GFOD2: variants seen among roughly 807,000 people sequenced by gnomAD.
GFOD2 encodes the protein glucose-fructose oxidoreductase domain-containing protein 2.
In GFOD2, 9 loss-of-function variants were observed where a neutral mutation model predicts 24.6. The observed-to-expected ratio is 0.37, with a 90% CI of 0.22 to 0.64. The LOEUF (loss-of-function observed/expected upper bound fraction) is 0.64, where lower values mean the gene tolerates loss of function less well. Ranked by LOEUF, GFOD2 falls within the 30% of genes least tolerant of loss-of-function variation. The pLI, the probability that GFOD2 is intolerant of heterozygous loss-of-function variation, is 0.65. For synonymous variants in GFOD2, 211 were observed against 224.8 expected, an observed-to-expected ratio of 0.94 and a Z score of 0.55; for missense variants, 476 against 532.5, an observed-to-expected ratio of 0.89 and a Z score of 1.04.
At chr16:67,693,681 C>T (rs892710120) in intron 1 of GFOD2, among the ~76,000 whole-genome samples, 3 of 152,168 alleles carry the variant, frequency 2.0e-5, no homozygotes, top group African/African-American at 7.2e-5. Context: ...GCAACCATCA[C>T]CAACATCCAC....
At position 67,685,024 on chromosome 16, in the gene GFOD2, C is replaced by T. The variant is rs998561257; in HGVS notation, c.259+433G>A. On this transcript the variant is annotated intron_variant, in intron 2 of 2. Transcript: ENST00000268797. ...AGGAAGGGTGTGTGCTCACTATAGTCAAACGCTGACAAAACATGGGAAATG... is the reference window on the plus strand; with the variant it reads ...AGGAAGGGTGTGTGCTCACTATAGTTAAACGCTGACAAAACATGGGAAATG... 4 of 1,088,850 alleles carry T rather than the reference C, an allele frequency of 3.7e-6. No individual in the cohort carries two copies. In the African/African-American group the frequency reaches 6.4e-5, roughly 18 times the overall value. 67.4% of individuals were successfully genotyped at this position (1,088,850 alleles called of 1,614,324 possible).
In GFOD2 at chr16:67,691,205, C is replaced by T. The variant is rs2053310145; in HGVS notation, c.-87-5403G>A. ...AAAGCTAACTACTCCTGATCTTGGT[C>T]ACTATCATAATTTTTATTTTGAGAC... is the stretch of plus-strand genomic sequence containing the variant. On this transcript the variant is annotated intron_variant, in intron 1 of 2. Coordinates refer to ENST00000268797, the MANE Select transcript of GFOD2 (RefSeq NM_030819.4). Among the ~76,000 whole-genome samples the T allele has an allele frequency of 2.0e-5, 3 of 151,344 alleles. No homozygotes were observed. The South Asian group carries it at 6.3e-4, about 32-fold the overall frequency.
At chr16:67,683,823 C>T (rs1019917943) in intron 2 of GFOD2, 19 of 1,220,058 alleles carry the variant, frequency 1.6e-5, no homozygotes, top group East Asian at 9.7e-5. Flanking sequence ...ACCGGTTCCT[C>T]GACCTAGAGA....
chr16:67,697,916 C>T (rs1045049342), intron 1 of GFOD2, among the ~76,000 whole-genome samples: 2 of 152,144 alleles, frequency 1.3e-5, no homozygotes, highest in Non-Finnish European at 2.9e-5. Flanking sequence ...GAACTGGTGG[C>T]GTAAAGTGTT....
Position 67,685,460 on chromosome 16 carries a change from G to C in GFOD2, c.256C>G (p.Leu86Val). The change falls in exon 2 of 3, where the codon CTA becomes GTA. Residue 86 changes from leucine to valine, a missense_variant. By Grantham distance (32) the Leu-to-Val change is conservative. Coordinates refer to ENST00000268797, the MANE Select transcript of GFOD2 (RefSeq NM_030819.4). ...TGCTGTGGCCTGCCGGGCGTACCTAGAGCCTTCACGGATATCTGCCGGGTG... is the reference window on the plus strand; with the variant it reads ...TGCTGTGGCCTGCCGGGCGTACCTACAGCCTTCACGGATATCTGCCGGGTG... ...PLTRQISVKA[L>V]GIGKNVVCEK... 6.2e-7 allele frequency: 1 copy of C among 1,614,152 alleles called. No homozygotes were observed.
intron 1 of GFOD2, among the ~76,000 whole-genome samples, chr16:67,714,295 A>G (rs1377962827): frequency 6.7e-6 from 1 of 150,234 alleles, no homozygotes; most frequent in Non-Finnish European, 1.5e-5. Flanking sequence ...CCTGGCCAAC[A>G]TGACGAAACC....
intron 1 of GFOD2, among the ~76,000 whole-genome samples, chr16:67,698,764 C>T (rs2053377138): frequency 6.6e-6 from 1 of 152,178 alleles, no homozygotes; most frequent in South Asian, 2.1e-4. Flanking sequence ...CAGGCGTGAG[C>T]CACTGTGCCC....
intron 2 of GFOD2, chr16:67,682,608 A>G: frequency 1.0e-6 from 1 of 985,466 alleles, no homozygotes; most frequent in Non-Finnish European, 1.2e-6. Flanking sequence ...CAAAGCAGAA[A>G]ACAAGATGCC....
intron 1 of GFOD2, among the ~76,000 whole-genome samples, chr16:67,699,838 G>A (rs1035783782): frequency 6.6e-6 from 1 of 151,912 alleles, no homozygotes; most frequent in African/African-American, 2.4e-5. Flanking sequence ...AGGTGCAGTG[G>A]CTCACCTGTA....
At chr16:67,683,304 T>C (rs1358978421) in intron 2 of GFOD2, 1 of 1,200,528 alleles carries the variant, frequency 8.3e-7, no homozygotes, top group Admixed American at 4.4e-5. Flanking sequence ...AGCTTGGAAA[T>C]GGTCTCTGTG....
chr16:67,715,380 G>A lies in GFOD2; in HGVS notation c.-88+3783C>T, dbSNP rs564903187. Among the ~76,000 whole-genome samples, 4 of 152,264 alleles carry A rather than the reference G, an allele frequency of 2.6e-5. No homozygotes were observed. In the East Asian group the frequency reaches 7.7e-4, roughly 29 times the overall value. On this transcript the variant is annotated intron_variant, in intron 1 of 2. Transcript: ENST00000268797. The stretch of plus-strand genomic sequence containing the variant: ...TGGCTCTAATCCATATTTTCTAAGT[G>A]TTTATTCACATCACCATGAGAGAAA...
chr16:67,717,134 G>A (rs1164888625), intron 1 of GFOD2, among the ~76,000 whole-genome samples: 2 of 152,126 alleles, frequency 1.3e-5, no homozygotes, highest in Non-Finnish European at 1.5e-5. Context: ...GACCTCAGGT[G>A]ATCCACCCAC....
In GFOD2 at chr16:67,681,485, T is replaced by C. The variant is rs1021198948; in HGVS notation, c.259+3972A>G. On this transcript the variant is annotated intron_variant, in intron 2 of 2. Transcript: ENST00000268797. The stretch of plus-strand genomic sequence containing the variant: ...ACCCAGTGGTATAATCTTGGCTCAT[T>C]GCAACCTCCGCTTCCTGGGCTCAAG... 3.5e-6 allele frequency: 3 copies of C among 858,090 alleles called. No individual in the cohort carries two copies. In the African/African-American group the frequency reaches 5.5e-5, roughly 16 times the overall value. 53.2% of individuals were successfully genotyped at this position (858,090 alleles called of 1,614,324 possible).
In GFOD2 at chr16:67,675,464, G is replaced by C. The variant is rs1412924395; in HGVS notation, c.849C>G (p.Asp283Glu). 2 of 1,612,122 alleles carry C rather than the reference G, an allele frequency of 1.2e-6. No individual in the cohort carries two copies. The highest frequency in any genetic ancestry group is 1.7e-6 in the Non-Finnish European group (2 of 1,180,030). ...GCAGTCCTGCGCCCACTGCCAGCGA[G>C]TCCCTCAAGAGCAGCTCCTCTTGCG... ...SATQEELLLR[D>E]SLAVGAGLPE... Residue 283 changes from aspartate (D) to glutamate (E), a missense_variant, in exon 3 of 3, where the codon GAC becomes GAG. Coordinates refer to ENST00000268797, the MANE Select transcript of GFOD2 (RefSeq NM_030819.4).
intron 1 of GFOD2, among the ~76,000 whole-genome samples, chr16:67,702,043 G>T (rs1223924368): frequency 6.6e-6 from 1 of 152,070 alleles, no homozygotes; most frequent in African/African-American, 2.4e-5. Flanking sequence ...ATCCAATCTG[G>T]TAATTGTTTT....
intron 1 of GFOD2, among the ~76,000 whole-genome samples, chr16:67,698,488 C>A (rs1170006544): frequency 6.6e-6 from 1 of 151,224 alleles, no homozygotes; most frequent in East Asian, 1.9e-4. Flanking sequence ...TTTTCTTTTT[C>A]TTTTTCTTTG....
chr16:67,707,483 T>G (rs1405675186), intron 1 of GFOD2, among the ~76,000 whole-genome samples: 1 of 152,080 alleles, frequency 6.6e-6, no homozygotes, highest in Non-Finnish European at 1.5e-5. Flanking sequence ...CAGTTTCTTA[T>G]AGTTAAACAT....
chr16:67,687,509 T>C lies in GFOD2; in HGVS notation c.-87-1707A>G, dbSNP rs369966166. ...ACAAAAAATTAGCCAGTTGTGGTGG[T>C]GGGTGCCTGTAGTCCCAGCTACTCG... On this transcript the variant is annotated intron_variant, in intron 1 of 2. Transcript: ENST00000268797. 4.8e-4 allele frequency among the ~76,000 whole-genome samples: 73 copies of C among 151,238 alleles called. 1 individual carries two copies. In the East Asian group the frequency reaches 0.012, roughly 24 times the overall value.
At chr16:67,696,768 C>T (rs746264365) in intron 1 of GFOD2, among the ~76,000 whole-genome samples, 70 of 152,280 alleles carry the variant, frequency 4.6e-4, no homozygotes, top group Non-Finnish European at 8.4e-4. Flanking sequence ...CCACTGCGCC[C>T]GGCCGAAAAA....
Sources: gnomAD v4.1 joint callset for allele counts (sites outside exome capture counted in the v4.1 genomes callset) on GRCh38, gnomAD v4.1.1 for gene constraint, MANE v1.5 for transcripts, NCBI Gene and HGNC (gene_info 2026-07-23, HGNC 2026-07-21) for gene names.